The following PPIP5K2 variants were observed in gnomAD, a reference collection of about 807,000 sequenced individuals.
The protein encoded by PPIP5K2 is inositol hexakisphosphate and diphosphoinositol-pentakisphosphate kinase 2.
PPIP5K2 carries 105 observed loss-of-function variants against 154.6 expected under a neutral mutation model. That is an observed-to-expected ratio of 0.68 (90% confidence interval 0.58 to 0.80). The LOEUF is 0.80. PPIP5K2 is among the 30% of genes least tolerant of loss of function. The pLI, the probability that PPIP5K2 is intolerant of heterozygous loss-of-function variation, is 0.00. For missense variants in PPIP5K2, 992 were observed against 1,504.6 expected, an observed-to-expected ratio of 0.66 and a Z score of 5.64; for synonymous variants, 480 against 490.3, an observed-to-expected ratio of 0.98 and a Z score of 0.28.
intron 17 of PPIP5K2, among the ~76,000 whole-genome samples, chr5:103,163,691 C>G (rs1796697261): frequency 6.6e-6 from 1 of 151,878 alleles, no homozygotes; most frequent in South Asian, 2.1e-4. Context: ...TTCATTGTTT[C>G]TATTTGGCTG....
intron 17 of PPIP5K2, among the ~76,000 whole-genome samples, chr5:103,161,475 A>G (rs1264378405): frequency 2.6e-5 from 4 of 152,210 alleles, no homozygotes; most frequent in African/African-American, 7.2e-5. Flanking sequence ...GTATATACCC[A>G]GTAATGGGAT....
chr5:103,163,865 G>T (rs1796729050), intron 17 of PPIP5K2, among the ~76,000 whole-genome samples: 1 of 151,676 alleles, frequency 6.6e-6, no homozygotes, highest in South Asian at 2.1e-4. Flanking sequence ...CTGAAATTTT[G>T]GTTAGGAATT....
intron 2 of PPIP5K2, 45 bp downstream of exon 2, chr5:103,129,748 A>G (rs1011108449): frequency 2.0e-6 from 3 of 1,510,402 alleles, no homozygotes; most frequent in East Asian, 4.8e-5. Flanking sequence ...CCAATACAGT[A>G]TAGGCTTTTT....
intron 9 of PPIP5K2, 117 bp downstream of exon 9, chr5:103,151,491 A>G (rs1251668389): frequency 7.6e-6 from 6 of 788,112 alleles, no homozygotes; most frequent in Non-Finnish European, 1.2e-5. Flanking sequence ...ATCAGTGTTC[A>G]TAAAATGATA....
At chr5:103,195,106 T>C (rs1801871277) in intron 30 of PPIP5K2, 81 bp downstream of exon 30, 7 of 1,550,636 alleles carry the variant, frequency 4.5e-6, no homozygotes, top group Non-Finnish European at 6.1e-6. Context: ...GTCAAATTTG[T>C]TTTTAATTAG....
chr5:103,121,002 T>C (rs1244326641), intron 1 of PPIP5K2, among the ~76,000 whole-genome samples: 3 of 152,126 alleles, frequency 2.0e-5, no homozygotes, highest in African/African-American at 7.2e-5. Flanking sequence ...TTGGAGGTCG[T>C]TGCAGCCTTC....
At chr5:103,174,188 A>T (rs1158847239) in intron 21 of PPIP5K2, 8 of 403,740 alleles carry the variant, frequency 2.0e-5, no homozygotes, top group Non-Finnish European at 3.5e-5. Flanking sequence ...ACAATAATAT[A>T]AAGTATTTTA....
rs782666517 is a variant in PPIP5K2, at chr5:103,151,240, T to C, written c.907-13T>C. ...TAAATAAAACCTTAAAGTTTATAAC[T>C]TATTTTAAATAGCAAACAGTTTGTG... is the stretch of plus-strand genomic sequence containing the variant. On this transcript the variant is annotated splice_polypyrimidine_tract_variant and intron_variant, in intron 8 of 30. Coordinates refer to ENST00000358359, the MANE Select transcript of PPIP5K2 (RefSeq NM_001276277.3). The C allele has an allele frequency of 1.3e-6, 2 of 1,582,928 alleles. No individual in the cohort carries two copies. The highest frequency in any genetic ancestry group is 8.6e-7 in the Non-Finnish European group (1 of 1,164,890).
chr5:103,178,030 C>T (rs1300168859), intron 23 of PPIP5K2, 50 bp downstream of exon 23: 2 of 1,150,750 alleles, frequency 1.7e-6, no homozygotes, highest in Non-Finnish European at 2.6e-6. Context: ...TCTAGATTTT[C>T]ATGAGGTTTC....
chr5:103,208,666 C>T lies in PPIP5K2; in HGVS notation c.*7032C>T, dbSNP rs1011221210. 2.6e-5 allele frequency: 4 copies of T among 152,216 alleles called. No homozygotes were observed. The highest frequency in any genetic ancestry group is 5.9e-5 in the Non-Finnish European group (4 of 68,086). The allele number at this position is 152,216 out of a possible 1,614,324, so 9.4% of individuals were successfully genotyped here. ...TCCAGGAAATCCCCTACTACTGACACTCATCCCATTTCCATTGTTTTAGAG... is the reference window on the plus strand; with the variant it reads ...TCCAGGAAATCCCCTACTACTGACATTCATCCCATTTCCATTGTTTTAGAG... On this transcript the variant is annotated 3_prime_UTR_variant, in exon 31 of 31. Transcript: ENST00000358359.
chr5:103,161,918 A>C (rs1483562457), intron 17 of PPIP5K2, among the ~76,000 whole-genome samples: 1 of 151,796 alleles, frequency 6.6e-6, no homozygotes, highest in Non-Finnish European at 1.5e-5. Flanking sequence ...GTTCACTCTG[A>C]TGGTAGTTTC....
chr5:103,193,626 GT>G (rs2149814025), intron 29 of PPIP5K2, among the ~76,000 whole-genome samples: 1 of 152,060 alleles, frequency 6.6e-6, no homozygotes, highest in African/African-American at 2.4e-5. Flanking sequence ...GTTTTATGAT[GT>G]TTTAAGGACT....
rs782223559 is a variant in PPIP5K2, at chr5:103,129,626, G to A, written c.37G>A (p.Asp13Asn). Residue 13 changes from aspartate to asparagine, a missense_variant, in exon 2 of 31, where the codon GAT becomes AAT. Around this residue, in one of 9 missense-constraint regions of PPIP5K2, gnomAD observed 153 missense variants for 200.4 expected, o/e 0.76. Coordinates refer to ENST00000358359, the MANE Select transcript of PPIP5K2 (RefSeq NM_001276277.3). ...CCCCAGATTCTTCGTTGGACCAGAA[G>A]ATACAGAAATAAATCCTGGAAATTA... is the stretch of plus-strand genomic sequence containing the variant. ...EAPRFFVGPE[D>N]TEINPGNYRH... is the part of the protein sequence containing the mutation. 1 of 1,608,704 alleles carries A rather than the reference G, an allele frequency of 6.2e-7. No homozygotes were observed. The highest frequency in any genetic ancestry group is 8.5e-7 in the Non-Finnish European group (1 of 1,178,474).
chr5:103,188,165 T>C (rs1037323718), intron 28 of PPIP5K2, among the ~76,000 whole-genome samples: 2 of 152,182 alleles, frequency 1.3e-5, no homozygotes, highest in South Asian at 4.1e-4. Flanking sequence ...TTACAACTTC[T>C]AACATAGAGC....
At chr5:103,184,783 T>TA in intron 26 of PPIP5K2, 39 bp downstream of exon 26, 2 of 1,496,922 alleles carry the variant, frequency 1.3e-6, no homozygotes, top group Middle Eastern at 1.7e-4. Context: ...ATACCCTTCT[T>TA]AAACTCACTA....
At chr5:103,190,725 T>C in intron 28 of PPIP5K2, 117 bp from the exon 29 acceptor site, 1 of 805,086 alleles carries the variant, frequency 1.2e-6, no homozygotes, top group Non-Finnish European at 1.8e-6. Flanking sequence ...TGTGTTTGCA[T>C]GTGATAGACT....
intron 24 of PPIP5K2, among the ~76,000 whole-genome samples, chr5:103,180,967 T>C (rs2149745247): frequency 6.6e-6 from 1 of 152,104 alleles, no homozygotes; most frequent in Admixed American, 6.6e-5. Context: ...GCAAAGTCTA[T>C]ATAGGAATTT....
intron 21 of PPIP5K2, among the ~76,000 whole-genome samples, chr5:103,176,610 ATAT>A (rs1305410768): frequency 6.6e-6 from 1 of 151,344 alleles, no homozygotes; most frequent in African/African-American, 2.4e-5. Flanking sequence ...AAAGTCCATA[ATAT>A]TGTATACTCT....
In PPIP5K2 at chr5:103,149,167, C is replaced by T; in HGVS notation, c.760C>T (p.Pro254Ser). ...TTTGTGAAAGGTTTATACAGTGGGT[C>T]CAGATTATGCCCATGCTGAAGCTCG... ...GTDVKVYTVG[P>S]DYAHAEARKS... Residue 254 changes from proline to serine, a missense_variant, in exon 8 of 31, where the codon CCA becomes TCA. By Grantham distance (74) the Pro-to-Ser change is moderately conservative. Transcript: ENST00000358359. The T allele has an allele frequency of 6.2e-7, 1 of 1,612,766 alleles. No individual in the cohort carries two copies. The highest frequency in any genetic ancestry group is 8.5e-7 in the Non-Finnish European group (1 of 1,179,286).
Sources: allele counts gnomAD v4.1 joint callset (sites outside exome capture counted in the v4.1 genomes callset), GRCh38; gene constraint gnomAD v4.1.1; regional missense constraint gnomAD v4.1.1; transcripts MANE v1.5; gene names NCBI Gene and HGNC (gene_info 2026-07-23, HGNC 2026-07-21).